The following STK10 variants were observed in gnomAD, a reference collection of about 807,000 sequenced individuals.
The protein encoded by STK10 is serine/threonine kinase 10, also known as serine/threonine-protein kinase 10.
Under a neutral mutation model 113.8 loss-of-function variants are expected in STK10, and 78 were observed. That is an observed-to-expected ratio of 0.69 (90% CI 0.57 to 0.83). The LOEUF (loss-of-function observed/expected upper bound fraction) is 0.83, where lower values mean the gene tolerates loss of function less well. Ranked by LOEUF, STK10 falls within the 40% of genes least tolerant of loss-of-function variation. The pLI, the probability that STK10 is intolerant of heterozygous loss-of-function variation, is 0.00. For synonymous variants in STK10, 465 were observed against 494.7 expected (o/e 0.94, Z 0.80); for missense variants, 1,109 against 1,280.1 (o/e 0.87, Z 2.04).
chr5:172,075,059 T>C (rs1768279634), intron 12 of STK10, among the ~76,000 whole-genome samples: 1 of 151,834 alleles, frequency 6.6e-6, no homozygotes, highest in Non-Finnish European at 1.5e-5. Context: ...TATGTGCCTT[T>C]TGTCCCAGCT....
At chr5:172,070,590 AT>A (rs1387096096) in intron 12 of STK10, among the ~76,000 whole-genome samples, 1 of 152,154 alleles carries the variant, frequency 6.6e-6, no homozygotes, top group African/African-American at 2.4e-5. Context: ...TTAAGAAACC[AT>A]AAAAAGAAGA....
At position 172,082,355 on chromosome 5, in the gene STK10, G is replaced by C; in HGVS notation, c.1960C>G (p.Gln654Glu). 1 of 1,581,698 alleles carries C rather than the reference G, an allele frequency of 6.3e-7. No homozygotes were observed. The highest frequency in any genetic ancestry group is 1.2e-5 in the South Asian group (1 of 86,594). ...LEQDRDYTRF[Q>E]EQLKLMKKEV... ...TTCTTCATCAGTTTGAGCTGCTCTT[G>C]GAACCTGGTGTAGTCCCGATCCTGC... is the stretch of plus-strand genomic sequence containing the variant. The change falls in exon 12 of 19, where the codon CAA becomes GAA. Residue 654 changes from glutamine (Q) to glutamate (E), a missense_variant. Physicochemically the swap from Gln to Glu is conservative, Grantham distance 29. Around this residue, in one of 5 missense-constraint regions of STK10, gnomAD observed 885 missense variants for 991.1 expected, o/e 0.89. Coordinates refer to ENST00000176763, the MANE Select transcript of STK10 (RefSeq NM_005990.4). This position sits in a 1 kb window ranked among gnomAD's most constrained non-coding sequence, Gnocchi z 4.3.
chr5:172,107,878 T>G (rs762203895), intron 4 of STK10, 26 bp from the exon 5 acceptor site: 1 of 1,612,166 alleles, frequency 6.2e-7, no homozygotes, highest in Non-Finnish European at 8.5e-7. Flanking sequence ...TCAGCTAGCG[T>G]TTTCCACCCA....
intron 7 of STK10, among the ~76,000 whole-genome samples, chr5:172,103,706 C>G (rs765540370): frequency 1.3e-5 from 2 of 152,156 alleles, no homozygotes; most frequent in Non-Finnish European, 2.9e-5. Context: ...TGTGACCCCC[C>G]ACCCCCGGCA....
rs377067395 is a variant in STK10 at position 172,188,054 on chromosome 5, C to T, written c.-12G>A. 3.4e-5 allele frequency: 54 copies of T among 1,609,314 alleles called. No homozygotes were observed. Among genetic ancestry groups the T allele is most frequent in the South Asian group, 3.0e-4 (27 of 90,814 alleles). On this transcript the variant is annotated 5_prime_UTR_variant, in exon 1 of 19. Coordinates refer to ENST00000176763, the MANE Select transcript of STK10 (RefSeq NM_005990.4). The surrounding 1 kb of genome is among the most constrained non-coding windows in gnomAD (Gnocchi z 5.6). Reference sequence around the variant, plus strand: ...TTGGCAAAAGCCATGGCCGGGGGCGCGGTGGCGCCGGCTCGGGCTCGGGCT... The same window carrying T: ...TTGGCAAAAGCCATGGCCGGGGGCGTGGTGGCGCCGGCTCGGGCTCGGGCT...
At chr5:172,074,361 A>G (rs1768264415) in intron 12 of STK10, among the ~76,000 whole-genome samples, 1 of 152,230 alleles carries the variant, frequency 6.6e-6, no homozygotes, top group South Asian at 2.1e-4. Flanking sequence ...TCGGTGAAAC[A>G]GCAGAGAATC....
intron 6 of STK10, among the ~76,000 whole-genome samples, chr5:172,106,004 C>T (rs1481607171): frequency 2.0e-5 from 3 of 152,110 alleles, no homozygotes; most frequent in East Asian, 1.9e-4. Context: ...CCCAGGCCCC[C>T]GATGTCCCGC....
chr5:172,058,467 T>C (rs1767853490), intron 14 of STK10, among the ~76,000 whole-genome samples: 1 of 152,238 alleles, frequency 6.6e-6, no homozygotes, highest in Non-Finnish European at 1.5e-5. Context: ...AGGCCTGTTT[T>C]ATAAATGAGC....
chr5:172,158,347 G>T (rs892445212), intron 1 of STK10, among the ~76,000 whole-genome samples: 1 of 152,188 alleles, frequency 6.6e-6, no homozygotes, highest in Non-Finnish European at 1.5e-5. Context: ...CCAAAGTGTG[G>T]AAACAATCCA....
chr5:172,054,531 C>A (rs778139971), intron 17 of STK10, 38 bp downstream of exon 17: 24 of 1,593,492 alleles, frequency 1.5e-5, no homozygotes, highest in Non-Finnish European at 2.0e-5. Flanking sequence ...GAAACTGAGG[C>A]AGCCTGGGGG....
At chr5:172,078,220 T>C (rs1161198958) in intron 12 of STK10, among the ~76,000 whole-genome samples, 1 of 152,204 alleles carries the variant, frequency 6.6e-6, no homozygotes, top group Non-Finnish European at 1.5e-5. Flanking sequence ...GGGGTTGCCA[T>C]GGAGCAAAGC....
intron 7 of STK10, among the ~76,000 whole-genome samples, chr5:172,104,889 G>T (rs1266999663): frequency 2.0e-5 from 3 of 152,154 alleles, no homozygotes; most frequent in African/African-American, 7.2e-5. Context: ...ACCCTAAGGG[G>T]CTTCCGTGGT....
At chr5:172,094,495 C>T (rs752907942) in intron 8 of STK10, among the ~76,000 whole-genome samples, 22 of 152,136 alleles carry the variant, frequency 1.4e-4, no homozygotes, top group Non-Finnish European at 2.4e-4. Flanking sequence ...CTCAGCCTCC[C>T]GAGGAGCCTC....
chr5:172,101,968 T>TGG (rs373777586), intron 7 of STK10, among the ~76,000 whole-genome samples: 2 of 66,442 alleles, frequency 3.0e-5, no homozygotes, highest in African/African-American at 5.4e-5. Flanking sequence ...GTCAGCAGGG[T>TGG]GGGGGGGGCG....
intron 2 of STK10, among the ~76,000 whole-genome samples, chr5:172,130,399 C>T (rs1231796349): frequency 1.3e-5 from 2 of 152,016 alleles, no homozygotes. Flanking sequence ...GGTGTGGTGG[C>T]GGGCACCTGT....
chr5:172,117,284 T>A (rs1769408491), intron 4 of STK10, among the ~76,000 whole-genome samples, 197 bp downstream of exon 4: 1 of 151,370 alleles, frequency 6.6e-6, no homozygotes, highest in Non-Finnish European at 1.5e-5. Context: ...CTCAAAAAAA[T>A]AAAATAAAAT....
chr5:172,135,296 T>C (rs1240578394), intron 2 of STK10, among the ~76,000 whole-genome samples: 1 of 152,184 alleles, frequency 6.6e-6, no homozygotes, highest in East Asian at 1.9e-4. Flanking sequence ...GTGGATCACC[T>C]GAGGTCAGGA....
At chr5:172,160,275 A>C (rs558200731) in intron 1 of STK10, among the ~76,000 whole-genome samples, 5 of 152,288 alleles carry the variant, frequency 3.3e-5, no homozygotes, top group Admixed American at 2.6e-4. Context: ...GGAGTTCAAG[A>C]CCAGCCTGGC....
Position 172,105,744 on chromosome 5 carries a change from G to A in STK10, c.789-7C>T, listed in dbSNP as rs772796320. ...GTCACGGAACTCTACAGACCTGGGA[G>A]GACAGGCGTCAGAGGTAAGCATGGA... On this transcript the variant is annotated splice_polypyrimidine_tract_variant and splice_region_variant and intron_variant, in intron 6 of 18. Transcript: ENST00000176763. The A allele has an allele frequency of 1.2e-6, 2 of 1,613,704 alleles. No homozygotes were observed. Among genetic ancestry groups the A allele is most frequent in the Admixed American group, 3.3e-5 (2 of 60,014 alleles).
Sources: gnomAD v4.1 joint callset for allele counts (sites outside exome capture counted in the v4.1 genomes callset) on GRCh38, gnomAD v4.1.1 for gene constraint, gnomAD v4.1.1 regional missense constraint, Gnocchi (gnomAD v3.1) non-coding constraint, MANE v1.5 for transcripts, NCBI Gene and HGNC (gene_info 2026-07-23, HGNC 2026-07-21) for gene names.